Variants in DLGAP1 observed in about 807,000 individuals in gnomAD.
DLGAP1 encodes DLG associated protein 1, also known as disks large-associated protein 1.
Under a neutral mutation model 90.8 loss-of-function variants are expected in DLGAP1, and 11 were observed. The observed-to-expected ratio is 0.12, with a 90% CI of 0.08 to 0.20. DLGAP1 has a LOEUF of 0.20. DLGAP1 is among the 10% of genes least tolerant of loss of function. The pLI is 1.00. For missense variants in DLGAP1, 1,050 were observed against 1,333.8 expected (o/e 0.79, Z 3.31); for synonymous variants, 558 against 540.7 (o/e 1.03, Z -0.44).
At chr18:4,007,257 A>G (rs930627499) in intron 2 of DLGAP1, among the ~76,000 whole-genome samples, 2 of 152,146 alleles carry the variant, frequency 1.3e-5, no homozygotes, top group Non-Finnish European at 2.9e-5. Flanking sequence ...AAGGGTTGAA[A>G]GGCCAAGGTC....
intron 1 of DLGAP1, among the ~76,000 whole-genome samples, chr18:4,277,844 T>C (rs1382304402): frequency 3.9e-5 from 6 of 152,172 alleles, no homozygotes; most frequent in Non-Finnish European, 1.5e-5. Flanking sequence ...TAATATTGCA[T>C]TAAATTTTAT....
intron 11 of DLGAP1, among the ~76,000 whole-genome samples, chr18:3,505,091 C>A (rs1233019067): frequency 1.3e-5 from 2 of 151,980 alleles, no homozygotes; most frequent in Admixed American, 1.3e-4. Context: ...GAAGCTGGGT[C>A]TGGTTCTGAC....
intron 1 of DLGAP1, among the ~76,000 whole-genome samples, chr18:4,221,752 G>T (rs1295253142): frequency 1.3e-5 from 2 of 152,128 alleles, no homozygotes; most frequent in African/African-American, 4.8e-5. Flanking sequence ...ACTTGTACAT[G>T]ACTTTTTGCC....
rs929329109 is a variant in DLGAP1, at chr18:4,378,536, T to C, written c.-267+76470A>G. ...ACGAAATATCAAGATTTATCTTCTATGAACCTACAAACTGAATTATTAAAA... is the reference window on the plus strand; with the variant it reads ...ACGAAATATCAAGATTTATCTTCTACGAACCTACAAACTGAATTATTAAAA... On this transcript the variant is annotated intron_variant, in intron 1 of 12. Coordinates refer to ENST00000315677, the MANE Select transcript of DLGAP1 (RefSeq NM_004746.4). The surrounding 1 kb of genome is among the most constrained non-coding windows in gnomAD (Gnocchi z 4.5). Among the ~76,000 whole-genome samples, 5 of 152,130 alleles carry C rather than the reference T, an allele frequency of 3.3e-5. No homozygotes were observed. Among genetic ancestry groups the C allele is most frequent in the African/African-American group, 9.7e-5 (4 of 41,436 alleles).
chr18:3,862,970 G>T (rs1202772999), intron 4 of DLGAP1, among the ~76,000 whole-genome samples: 1 of 152,172 alleles, frequency 6.6e-6, no homozygotes, highest in East Asian at 1.9e-4. Flanking sequence ...ATCACCACAG[G>T]GTATTACCTT....
chr18:4,248,415 T>C (rs2078699660), intron 1 of DLGAP1, among the ~76,000 whole-genome samples: 1 of 152,160 alleles, frequency 6.6e-6, no homozygotes, highest in East Asian at 1.9e-4. Flanking sequence ...CTTTCTTTTC[T>C]TCTTTATTAT....
intron 7 of DLGAP1, among the ~76,000 whole-genome samples, chr18:3,714,162 C>A (rs2061683526): frequency 6.6e-6 from 1 of 152,142 alleles, no homozygotes. Flanking sequence ...CCAGGGGAGA[C>A]AGATATGGGT....
At chr18:4,166,211 G>C (rs1233483941) in intron 1 of DLGAP1, among the ~76,000 whole-genome samples, 7 of 151,976 alleles carry the variant, frequency 4.6e-5, no homozygotes. Flanking sequence ...AATGAACAAA[G>C]GACTTGAATA....
intron 1 of DLGAP1, among the ~76,000 whole-genome samples, chr18:4,428,439 G>A (rs977885319): frequency 3.9e-5 from 6 of 151,984 alleles, no homozygotes; most frequent in African/African-American, 1.2e-4. Context: ...AAAATTAGCT[G>A]GGCATGGTGG....
chr18:4,064,672 T>A (rs970371067), intron 2 of DLGAP1, among the ~76,000 whole-genome samples: 2 of 151,966 alleles, frequency 1.3e-5, no homozygotes, highest in African/African-American at 4.8e-5. Flanking sequence ...AACAGACTCA[T>A]AATCAGTTCT....
intron 7 of DLGAP1, chr18:3,655,988 C>T (rs2059468007): frequency 3.4e-6 from 4 of 1,177,638 alleles, no homozygotes; most frequent in South Asian, 1.5e-5. Flanking sequence ...TCGCACATGG[C>T]GTCAAACACC....
chr18:3,739,663 T>C (rs958453226), intron 6 of DLGAP1, among the ~76,000 whole-genome samples: 1 of 150,666 alleles, frequency 6.6e-6, no homozygotes, highest in African/African-American at 2.4e-5. Flanking sequence ...CATTGGGAGA[T>C]ATACCTAATG....
At chr18:3,620,776 T>G (rs1213568410) in intron 7 of DLGAP1, among the ~76,000 whole-genome samples, 1 of 152,134 alleles carries the variant, frequency 6.6e-6, no homozygotes, top group East Asian at 1.9e-4. Flanking sequence ...CAGGCTGGTC[T>G]TGGACTCCTG....
intron 7 of DLGAP1, among the ~76,000 whole-genome samples, chr18:3,707,817 G>A (rs760265045): frequency 1.3e-5 from 2 of 152,002 alleles, no homozygotes; most frequent in Non-Finnish European, 2.9e-5. Context: ...CACATTAAAC[G>A]GGCACAGGAA....
At chr18:3,607,799 C>T (rs1298184890) in intron 7 of DLGAP1, 1 of 152,162 alleles carries the variant, frequency 6.6e-6, no homozygotes, top group East Asian at 1.9e-4. Context: ...CTTTTCCACA[C>T]AGCTGTGAGT....
intron 7 of DLGAP1, among the ~76,000 whole-genome samples, chr18:3,586,357 A>G (rs539956015): frequency 2.0e-5 from 3 of 152,126 alleles, no homozygotes; most frequent in African/African-American, 7.2e-5. Flanking sequence ...TTATTATGAG[A>G]CTTAAGGACA....
chr18:4,295,236 T>A (rs1270404516), intron 1 of DLGAP1: 1 of 152,180 alleles, frequency 6.6e-6, no homozygotes, highest in East Asian at 1.9e-4. Context: ...GAAATTCATC[T>A]GTTTCTTTAT....
intron 2 of DLGAP1, among the ~76,000 whole-genome samples, chr18:4,041,843 A>T (rs369849282): frequency 6.6e-6 from 1 of 152,228 alleles, no homozygotes; most frequent in African/African-American, 2.4e-5. Context: ...TAAAGGGCAT[A>T]TAAGGTACAA....
At chr18:3,731,556 C>T (rs971182691) in intron 6 of DLGAP1, among the ~76,000 whole-genome samples, 2 of 149,644 alleles carry the variant, frequency 1.3e-5, no homozygotes, top group Non-Finnish European at 3.0e-5. Context: ...CACAGGTACG[C>T]ACCACCACGC....
Sources: allele counts gnomAD v4.1 joint callset (sites outside exome capture counted in the v4.1 genomes callset), GRCh38; gene constraint gnomAD v4.1.1; non-coding constraint Gnocchi (gnomAD v3.1); transcripts MANE v1.5; gene names NCBI Gene and HGNC (gene_info 2026-07-23, HGNC 2026-07-21).